CPLANE1: variants seen among roughly 807,000 people sequenced by gnomAD.
CPLANE1 encodes ciliogenesis and planar polarity effector complex subunit 1, also known as ciliogenesis and planar polarity effector 1.
A neutral mutation model predicts 362.5 loss-of-function variants in CPLANE1; 263 were observed. The observed-to-expected ratio is 0.73, with a 90% CI of 0.66 to 0.80. CPLANE1 has a LOEUF of 0.80. Ranked by LOEUF, CPLANE1 falls within the 30% of genes least tolerant of loss-of-function variation. The probability of loss-of-function intolerance (pLI) is 0.00; values close to 1 mark genes in which losing one functional copy is unlikely to be tolerated. For synonymous variants in CPLANE1, 1,212 were observed against 1,302.6 expected (o/e 0.93, Z 1.50); for missense variants, 3,461 against 3,793.4 (o/e 0.91, Z 2.30).
At chr5:37,151,928 T>C (rs1175004495) in intron 42 of CPLANE1, among the ~76,000 whole-genome samples, 1 of 152,102 alleles carries the variant, frequency 6.6e-6, no homozygotes, top group Non-Finnish European at 1.5e-5. Flanking sequence ...CATCATAGTA[T>C]CATTACTTAG....
the CPLANE1 span, among the ~76,000 whole-genome samples, chr5:37,099,259 G>A: frequency 1.3e-5 from 2 of 152,152 alleles, no homozygotes; most frequent in African/African-American, 2.4e-5. Context: ...GCATCCATTA[G>A]TTATTCTTCC....
intron 16 of CPLANE1, chr5:37,210,555 C>T: frequency 6.6e-7 from 1 of 1,505,250 alleles, no homozygotes; most frequent in East Asian, 2.3e-5. Context: ...GGAACTCAAT[C>T]AATCTATAAA....
At chr5:37,211,535 A>C in intron 16 of CPLANE1, 1 of 1,276,846 alleles carries the variant, frequency 7.8e-7, no homozygotes, top group Middle Eastern at 1.9e-4. Flanking sequence ...GTGCAGCCTC[A>C]AGGCTATGCG....
chr5:37,090,131 C>T, the CPLANE1 span, among the ~76,000 whole-genome samples: 4 of 152,100 alleles, frequency 2.6e-5, no homozygotes, highest in African/African-American at 7.2e-5. Flanking sequence ...AACTAGCAAC[C>T]GGTATTCTCC....
intron 43 of CPLANE1, among the ~76,000 whole-genome samples, chr5:37,143,636 C>G (rs540521347): frequency 3.0e-4 from 45 of 152,150 alleles, no homozygotes; most frequent in African/African-American, 1.1e-3. Context: ...GCAGAAGAGG[C>G]TGAATGAGAT....
chr5:37,220,946 G>A (rs1051602302), intron 15 of CPLANE1, among the ~76,000 whole-genome samples: 1 of 152,082 alleles, frequency 6.6e-6, no homozygotes, highest in East Asian at 1.9e-4. Context: ...TAACAAATAG[G>A]GTTGTAAGAA....
At chr5:37,236,067 G>T (rs1395197062) in intron 8 of CPLANE1, among the ~76,000 whole-genome samples, 3 of 151,488 alleles carry the variant, frequency 2.0e-5, no homozygotes, top group Non-Finnish European at 4.4e-5. Context: ...TAGAGACAGG[G>T]TTTCTCCATG....
downstream of CPLANE1, among the ~76,000 whole-genome samples, chr5:37,102,066 GT>G (rs1224703154): frequency 6.6e-6 from 1 of 151,670 alleles, no homozygotes; most frequent in Admixed American, 6.6e-5. Flanking sequence ...TTTTTGAAGG[GT>G]TTTTTCATGT....
At chr5:37,206,103 G>C in intron 17 of CPLANE1, 94 bp downstream of exon 17, 1 of 864,018 alleles carries the variant, frequency 1.2e-6, no homozygotes, top group Non-Finnish European at 1.8e-6. Context: ...GCTGAACTAA[G>C]GATTCCACAT....
chr5:37,077,534 T>C, the CPLANE1 span, among the ~76,000 whole-genome samples: 3 of 151,280 alleles, frequency 2.0e-5, no homozygotes, highest in Non-Finnish European at 4.4e-5. Context: ...TTCACTTGGG[T>C]CTTAAGAGAC....
At chr5:37,111,569 C>T (rs973913090) in intron 51 of CPLANE1, among the ~76,000 whole-genome samples, 2 of 152,078 alleles carry the variant, frequency 1.3e-5, no homozygotes, top group Non-Finnish European at 2.9e-5. Flanking sequence ...GGATTAGTGC[C>T]AAAGGGAAGG....
chr5:37,225,780 G>A (rs886298373), intron 12 of CPLANE1, among the ~76,000 whole-genome samples: 2 of 149,656 alleles, frequency 1.3e-5, no homozygotes, highest in Non-Finnish European at 3.0e-5. Flanking sequence ...TTGAACCCAG[G>A]AGGCGGAGGT....
chr5:37,187,488 G>T lies in CPLANE1; in HGVS notation c.4006C>A (p.Arg1336=). 6.2e-7 allele frequency: 1 copy of T among 1,613,442 alleles called. No homozygotes were observed. The highest frequency in any genetic ancestry group is 1.1e-5 in the South Asian group (1 of 90,998). The change falls in exon 23 of 53, where the codon CGG becomes AGG. Residue 1336 remains arginine, a synonymous_variant. Coordinates refer to ENST00000651892, the MANE Select transcript of CPLANE1 (RefSeq NM_001384732.1). ...EWAYRMLPFS[R]FFNMEELIQD... ...ATAAGTTCTTCCATATTAAAAAACCGAGAGAAAGGCAGCATTCTATAAGCC... is the reference window on the plus strand; with the variant it reads ...ATAAGTTCTTCCATATTAAAAAACCTAGAGAAAGGCAGCATTCTATAAGCC...
chr5:37,211,162 T>A, intron 16 of CPLANE1: 1 of 1,276,754 alleles, frequency 7.8e-7, no homozygotes. Flanking sequence ...GAAAAAGTTC[T>A]AGCAGGTACG....
intron 41 of CPLANE1, among the ~76,000 whole-genome samples, chr5:37,155,156 G>A (rs1251100002): frequency 1.3e-5 from 2 of 152,114 alleles, no homozygotes; most frequent in African/African-American, 2.4e-5. Context: ...ACCAGGCCCA[G>A]AGAGATCTTT....
At chr5:37,211,863 A>G (rs1792700702) in intron 16 of CPLANE1, 3 of 789,096 alleles carry the variant, frequency 3.8e-6, no homozygotes, top group Admixed American at 1.7e-5. Flanking sequence ...ATATGCACGG[A>G]ATGTGCCAAG....
At chr5:37,198,120 G>A (rs1178535259) in intron 20 of CPLANE1, among the ~76,000 whole-genome samples, 7 of 152,162 alleles carry the variant, frequency 4.6e-5, no homozygotes, top group Non-Finnish European at 7.3e-5. Context: ...GGCATATAAA[G>A]GATTTTCAGC....
the CPLANE1 span, among the ~76,000 whole-genome samples, chr5:37,077,426 G>C: frequency 2.0e-5 from 3 of 151,990 alleles, no homozygotes; most frequent in Admixed American, 2.0e-4. Flanking sequence ...TTTGTCTTCT[G>C]TCTTCTGAAA....
chr5:37,091,993 T>A, the CPLANE1 span, among the ~76,000 whole-genome samples: 2,706 of 152,300 alleles, frequency 0.018, 34 homozygotes, highest in Middle Eastern at 0.058. Flanking sequence ...TTACTTCAGA[T>A]AATTTGTTCC....
Sources: allele counts gnomAD v4.1 joint callset (sites outside exome capture counted in the v4.1 genomes callset), GRCh38; gene constraint gnomAD v4.1.1; transcripts MANE v1.5; gene names NCBI Gene and HGNC (gene_info 2026-07-23, HGNC 2026-07-21).